Variants in TET3 observed in about 807,000 individuals in gnomAD.
TET3 encodes methylcytosine dioxygenase TET3.
In TET3, 19 loss-of-function variants were observed where a neutral mutation model predicts 141.4. The observed-to-expected ratio is 0.13, with a 90% confidence interval of 0.09 to 0.20. The LOEUF (loss-of-function observed/expected upper bound fraction) is 0.20, where lower values mean the gene tolerates loss of function less well. Ranked by LOEUF, TET3 falls within the 10% of genes least tolerant of loss-of-function variation. TET3 has a pLI of 1.00. For missense variants in TET3, 1,874 were observed against 2,356.9 expected (o/e 0.80, Z 4.24); for synonymous variants, 1,043 against 980.9 (o/e 1.06, Z -1.18).
chr2:74,091,862 G>A (rs150428849), intron 8 of TET3, among the ~76,000 whole-genome samples: 3 of 152,172 alleles, frequency 2.0e-5, no homozygotes, highest in Non-Finnish European at 2.9e-5. Context: ...GTCACCAGGG[G>A]CTGCTGCTTC....
chr2:74,114,589 C>T, the TET3 span, among the ~76,000 whole-genome samples: 4 of 151,948 alleles, frequency 2.6e-5, no homozygotes, highest in African/African-American at 9.7e-5. Flanking sequence ...TGGTGGCTCA[C>T]GTCTGTAATC....
At chr2:74,109,333 G>C (rs1484061335), downstream of TET3, among the ~76,000 whole-genome samples, 1 of 152,150 alleles carries the variant, frequency 6.6e-6, no homozygotes, top group Non-Finnish European at 1.5e-5. Flanking sequence ...ACCGCATATT[G>C]GTTGCAAACA....
chr2:74,024,120 CTT>C, intron 3 of TET3, among the ~76,000 whole-genome samples: 1 of 152,278 alleles, frequency 6.6e-6, no homozygotes. Flanking sequence ...TTGTGTGTGA[CTT>C]TATTTTTTTC....
intron 1 of TET3, among the ~76,000 whole-genome samples, chr2:73,985,368 G>A (rs2105050755): frequency 6.9e-6 from 1 of 144,438 alleles, no homozygotes; most frequent in Admixed American, 6.8e-5. Context: ...CGAAGCCGCC[G>A]GAGCGGAGTG....
intron 4 of TET3, among the ~76,000 whole-genome samples, chr2:74,067,553 A>G (rs1244747956): frequency 6.6e-6 from 1 of 152,244 alleles, no homozygotes; most frequent in African/African-American, 2.4e-5. Context: ...TACATTAACA[A>G]TTACGTAACA....
chr2:74,022,746 A>T (rs1686122523), intron 3 of TET3, among the ~76,000 whole-genome samples: 1 of 152,042 alleles, frequency 6.6e-6, no homozygotes, highest in African/African-American at 2.4e-5. Context: ...AAATTCAGTG[A>T]GTCTGAGATG....
At chr2:74,076,842 G>A (rs1002245435) in intron 5 of TET3, among the ~76,000 whole-genome samples, 46 of 152,146 alleles carry the variant, frequency 3.0e-4, no homozygotes, top group Non-Finnish European at 1.3e-4. Flanking sequence ...GGCAGGGAGG[G>A]GAAGTAAACT....
At chr2:74,063,065 G>A (rs1688684381) in intron 4 of TET3, among the ~76,000 whole-genome samples, 1 of 151,910 alleles carries the variant, frequency 6.6e-6, no homozygotes, top group Admixed American at 6.6e-5. Flanking sequence ...TGTATTTTTA[G>A]CAGAGATGAG....
chr2:74,046,668 G>A lies in TET3; in HGVS notation c.751G>A (p.Glu251Lys), dbSNP rs964493173. 15 of 1,613,952 alleles carry A rather than the reference G, an allele frequency of 9.3e-6. No individual in the cohort carries two copies. The highest frequency in any genetic ancestry group is 1.3e-5 in the African/African-American group (1 of 74,948). The change falls in exon 4 of 12, where the codon GAA becomes AAA. Residue 251 changes from glutamate to lysine, a missense_variant. Around this residue, in one of 10 missense-constraint regions of TET3, gnomAD observed 366 missense variants for 487.0 expected, o/e 0.75. Coordinates refer to ENST00000409262, the MANE Select transcript of TET3 (RefSeq NM_001287491.2). This position sits in a 1 kb window ranked among gnomAD's most constrained non-coding sequence, Gnocchi z 4.3. Reference sequence around the variant, plus strand: ...GCCTGAGGGCTGCTCTGCTGGCAGCGAAGACCTTGACACACTGCAGACGGC... The same window carrying A: ...GCCTGAGGGCTGCTCTGCTGGCAGCAAAGACCTTGACACACTGCAGACGGC... ...PGPEGCSAGS[E>K]DLDTLQTALA...
chr2:74,058,232 T>C (rs1038553284), intron 4 of TET3, among the ~76,000 whole-genome samples: 2 of 151,826 alleles, frequency 1.3e-5, no homozygotes, highest in African/African-American at 4.8e-5. Flanking sequence ...AACGGGAAAA[T>C]GTAGAAATGA....
intron 2 of TET3, among the ~76,000 whole-genome samples, chr2:73,992,277 T>C (rs1684364182): frequency 6.6e-6 from 1 of 152,078 alleles, no homozygotes; most frequent in South Asian, 2.1e-4. Flanking sequence ...GCAGATGTGA[T>C]TGCAAAATCA....
intron 3 of TET3, among the ~76,000 whole-genome samples, chr2:74,027,562 T>C (rs932306232): frequency 2.0e-5 from 3 of 152,162 alleles, no homozygotes; most frequent in Non-Finnish European, 2.9e-5. Flanking sequence ...CAACCACTTA[T>C]CTTTCTGTCT....
At chr2:74,127,893 C>T in the TET3 span, among the ~76,000 whole-genome samples, 1 of 152,166 alleles carries the variant, frequency 6.6e-6, no homozygotes, top group Non-Finnish European at 1.5e-5. Context: ...CTCAGTTCTT[C>T]TAGTCAATGC....
intron 2 of TET3, chr2:74,002,711 C>A: frequency 2.3e-6 from 1 of 438,044 alleles, no homozygotes; most frequent in South Asian, 5.7e-5. Context: ...AGCTGGCCGC[C>A]GCCTCCTCTG....
At chr2:74,038,098 T>C (rs1687161189) in intron 3 of TET3, among the ~76,000 whole-genome samples, 1 of 152,110 alleles carries the variant, frequency 6.6e-6, no homozygotes, top group Admixed American at 6.5e-5. Flanking sequence ...AAGAAGACAG[T>C]GCACTGTAGA....
chr2:73,986,439 G>C lies in TET3; in HGVS notation c.36G>C (p.Pro12=). Residue 12 remains proline, a synonymous_variant, in exon 2 of 12, where the codon CCG becomes CCC. Coordinates refer to ENST00000409262, the MANE Select transcript of TET3 (RefSeq NM_001287491.2). ...TTCAGGTGCCCCTGGCCGTCCAGCCGGACCTGCCAGGCCTTTATGACTTCC... is the reference window on the plus strand; with the variant it reads ...TTCAGGTGCCCCTGGCCGTCCAGCCCGACCTGCCAGGCCTTTATGACTTCC... ...SQFQVPLAVQ[P]DLPGLYDFPQ... The C allele has an allele frequency of 5.7e-6, 7 of 1,232,234 alleles. No homozygotes were observed. Among genetic ancestry groups the C allele is most frequent in the Non-Finnish European group, 5.1e-6 (5 of 988,090 alleles). The allele number at this position is 1,232,234 out of a possible 1,614,324, so 76.3% of individuals were successfully genotyped here.
intron 4 of TET3, among the ~76,000 whole-genome samples, chr2:74,055,698 G>C (rs1688180243): frequency 6.6e-6 from 1 of 152,244 alleles, no homozygotes; most frequent in African/African-American, 2.4e-5. Flanking sequence ...GCAGTATTGA[G>C]AGAGTGGCCT....
intron 2 of TET3, among the ~76,000 whole-genome samples, chr2:73,995,298 C>T (rs1684537839): frequency 6.6e-6 from 1 of 152,198 alleles, no homozygotes; most frequent in African/African-American, 2.4e-5. Flanking sequence ...GCAAGAGAGG[C>T]ATCTATCTTA....
chr2:74,019,548 T>C (rs1284972482), intron 3 of TET3, among the ~76,000 whole-genome samples: 2 of 152,142 alleles, frequency 1.3e-5, no homozygotes, highest in Non-Finnish European at 2.9e-5. Context: ...GGTGGGGTGC[T>C]CATCTCACTC....
Sources: allele counts gnomAD v4.1 joint callset (sites outside exome capture counted in the v4.1 genomes callset), GRCh38; gene constraint gnomAD v4.1.1; regional missense constraint gnomAD v4.1.1; non-coding constraint Gnocchi (gnomAD v3.1); transcripts MANE v1.5; gene names NCBI Gene and HGNC (gene_info 2026-07-23, HGNC 2026-07-21).